Variants in C6orf136 observed in about 807,000 individuals in gnomAD.
C6orf136 encodes the protein uncharacterized protein C6orf136.
Under a neutral mutation model 44.0 loss-of-function variants are expected in C6orf136, and 29 were observed. That is an observed-to-expected ratio of 0.66 (90% CI 0.49 to 0.90). The LOEUF (loss-of-function observed/expected upper bound fraction) is 0.90, where lower values mean the gene tolerates loss of function less well. C6orf136 is among the 40% of genes least tolerant of loss of function. The pLI, the probability that C6orf136 is intolerant of heterozygous loss-of-function variation, is 0.00. For missense variants in C6orf136, 628 were observed against 669.3 expected (o/e 0.94, Z 0.68); for synonymous variants, 293 against 278.6 (o/e 1.05, Z -0.52).
At chr6:30,650,513 C>T (rs749517491) in intron 2 of C6orf136, among the ~76,000 whole-genome samples, 1 of 151,586 alleles carries the variant, frequency 6.6e-6, no homozygotes, top group Non-Finnish European at 1.5e-5. Flanking sequence ...GGGCCTGGCA[C>T]ATGGCTCACG....
chr6:30,651,042 G>A lies in C6orf136; in HGVS notation c.1066G>A (p.Asp356Asn). The A allele has an allele frequency of 1.2e-6, 2 of 1,614,038 alleles. No homozygotes were observed. The highest frequency in any genetic ancestry group is 1.7e-6 in the Non-Finnish European group (2 of 1,180,000). Reference sequence around the variant, plus strand: ...CCACGACTACAGTCTGTATTCCTTGGATGTGGAATTCATCAATGAGATCCT... The same window carrying A: ...CCACGACTACAGTCTGTATTCCTTGAATGTGGAATTCATCAATGAGATCCT... The part of the protein sequence containing the change: ...QSHDYSLYSL[D>N]VEFINEILNI... Residue 356 changes from aspartate (D) to asparagine (N), a missense_variant, in exon 3 of 6, where the codon GAT becomes AAT. Coordinates refer to ENST00000651131, the MANE Select transcript of C6orf136 (RefSeq NM_001161376.2).
chr6:30,650,108 C>A, intron 2 of C6orf136, 149 bp downstream of exon 2: 2 of 784,934 alleles, frequency 2.5e-6, no homozygotes, highest in South Asian at 1.9e-5. Context: ...AAATGATGTT[C>A]CAGCCAGGCA....
At chr6:30,648,900 C>T (rs1262947520) in intron 1 of C6orf136, among the ~76,000 whole-genome samples, 1 of 151,600 alleles carries the variant, frequency 6.6e-6, no homozygotes, top group Non-Finnish European at 1.5e-5. Flanking sequence ...CCCAGCTACT[C>T]GGGAGGCTGA....
intron 1 of C6orf136, 69 bp from the exon 2 acceptor site, chr6:30,649,489 C>A (rs1767199636): frequency 2.1e-6 from 3 of 1,416,806 alleles, no homozygotes; most frequent in Admixed American, 5.0e-5. Context: ...GCCTGTTGAG[C>A]ATCCAGGGGA....
In C6orf136 at chr6:30,647,323, G is replaced by T. The variant is rs916120554; in HGVS notation, c.92G>T (p.Gly31Val). The T allele has an allele frequency of 6.3e-6, 10 of 1,584,212 alleles. No individual in the cohort carries two copies. Among genetic ancestry groups the T allele is most frequent in the African/African-American group, 1.4e-5 (1 of 72,518 alleles). Residue 31 changes from glycine to valine, a missense_variant, in exon 1 of 6, where the codon GGA becomes GTA. Physicochemically the swap from Gly to Val is moderately radical, Grantham distance 109. Around this residue, in one of 2 missense-constraint regions of C6orf136, gnomAD observed 497 missense variants for 469.2 expected, o/e 1.06. Transcript: ENST00000651131. The surrounding 1 kb of genome is among the most constrained non-coding windows in gnomAD (Gnocchi z 4.8). ...CCCCAGGTGAGCGGAGGAGAAGAGG[G>T]AGGGAGGAGAGGGGGCGGGGAGAGA... ...ARPQVSGGEE[G>V]GRRGGGERPS... is the part of the protein sequence containing the mutation.
At chr6:30,648,587 G>A (rs1260464016) in intron 1 of C6orf136, among the ~76,000 whole-genome samples, 4 of 151,462 alleles carry the variant, frequency 2.6e-5, no homozygotes, top group Non-Finnish European at 5.9e-5. Flanking sequence ...CTTTAGTAGA[G>A]ATGGGGTGTC....
intron 4 of C6orf136, among the ~76,000 whole-genome samples, chr6:30,652,068 T>C (rs976991524): frequency 3.3e-5 from 5 of 151,646 alleles, no homozygotes; most frequent in African/African-American, 7.3e-5. Flanking sequence ...CTGGCCAACA[T>C]GGTAAAACCC....
chr6:30,652,550 T>C (rs1478709405), intron 4 of C6orf136, 98 bp from the exon 5 acceptor site: 2 of 1,067,514 alleles, frequency 1.9e-6, no homozygotes, highest in African/African-American at 1.6e-5. Flanking sequence ...TGATCTAATA[T>C]GTAGCAGAAT....
At position 30,651,274 on chromosome 6, in the gene C6orf136, C is replaced by T. The variant is rs770525226; in HGVS notation, c.1115C>T (p.Thr372Ile). 3 of 1,614,090 alleles carry T rather than the reference C, an allele frequency of 1.9e-6. No homozygotes were observed. Among genetic ancestry groups the T allele is most frequent in the Non-Finnish European group, 2.5e-6 (3 of 1,180,032 alleles). The change falls in exon 4 of 6, where the codon ACA becomes ATA. Residue 372 changes from threonine to isoleucine, a missense_variant. Transcript: ENST00000651131. ...CCATCCCTTCTTCACAGGGGCCGGA[C>T]ATGGTACATTCTTTCACTGACCCTC... Reference protein sequence around the residue: ...EILNIRTKGRTWYILSLTLCR... With the variant: ...EILNIRTKGRIWYILSLTLCR...
At position 30,651,482 on chromosome 6, in the gene C6orf136, G is replaced by T. The variant is rs1472354768; in HGVS notation, c.1307+16G>T. ...AGCATTACCGGTAAGAGAGAAATGAGAAAGGACCCAAACTATAATCAGTTC... is the reference window on the plus strand; with the variant it reads ...AGCATTACCGGTAAGAGAGAAATGATAAAGGACCCAAACTATAATCAGTTC... On this transcript the variant is annotated intron_variant, in intron 4 of 5. Coordinates refer to ENST00000651131, the MANE Select transcript of C6orf136 (RefSeq NM_001161376.2). 6.3e-7 allele frequency: 1 copy of T among 1,589,956 alleles called. No individual in the cohort carries two copies. Among genetic ancestry groups the T allele is most frequent in the East Asian group, 2.2e-5 (1 of 44,780 alleles).
Position 30,647,582 on chromosome 6 carries a change from C to T in C6orf136, c.351C>T (p.Asp117=). ...CGGGGCGCGTCTGCGTTGCGCCCGA[C>T]TCTCCGCGGTTACCTGTGCCTAGAG... The part of the protein sequence containing the change: ...QAAGRVCVAP[D]SPRLPVPRGD... The change falls in exon 1 of 6, where the codon GAC becomes GAT. Residue 117 remains aspartate, a synonymous_variant. Transcript: ENST00000651131. The surrounding 1 kb of genome is among the most constrained non-coding windows in gnomAD (Gnocchi z 4.8). The T allele has an allele frequency of 1.3e-6, 2 of 1,540,344 alleles. No individual in the cohort carries two copies. The highest frequency in any genetic ancestry group is 1.2e-5 in the South Asian group (1 of 83,638).
chr6:30,653,097 A>G lies in C6orf136; in HGVS notation c.*182A>G, dbSNP rs968135579. On this transcript the variant is annotated 3_prime_UTR_variant, in exon 6 of 6. Coordinates refer to ENST00000651131, the MANE Select transcript of C6orf136 (RefSeq NM_001161376.2). Reference sequence around the variant, plus strand: ...TGTAAATAATAAAGTTTAACTGACTATATGAGATAGAATTTCACATATCAC... The same window carrying G: ...TGTAAATAATAAAGTTTAACTGACTGTATGAGATAGAATTTCACATATCAC... The G allele has an allele frequency of 8.0e-6, 9 of 1,125,818 alleles. No homozygotes were observed. The highest frequency in any genetic ancestry group is 4.8e-5 in the African/African-American group (3 of 63,152). 69.7% of individuals were successfully genotyped at this position (1,125,818 alleles called of 1,614,324 possible). A position where few individuals can be genotyped will look rare whatever the true frequency, so the allele number is the denominator to read the frequency against.
chr6:30,647,249 G>A lies in C6orf136; in HGVS notation c.18G>A (p.Arg6=). Reference sequence around the variant, plus strand: ...GGAAGATCATGTACCAGCCCAGCCGGGGTGCGGCCCGGCGTCTCGGCCCTT... The same window carrying A: ...GGAAGATCATGTACCAGCCCAGCCGAGGTGCGGCCCGGCGTCTCGGCCCTT... MYQPS[R]GAARRLGPCL... is the part of the protein sequence containing the mutation. The change falls in exon 1 of 6, where the codon CGG becomes CGA. Residue 6 remains arginine (R), a synonymous_variant. Transcript: ENST00000651131. This position sits in a 1 kb window ranked among gnomAD's most constrained non-coding sequence, Gnocchi z 4.8. 1 of 1,596,312 alleles carries A rather than the reference G, an allele frequency of 6.3e-7. No individual in the cohort carries two copies.
At chr6:30,652,052 A>C (rs1426707354) in intron 4 of C6orf136, among the ~76,000 whole-genome samples, 1 of 150,870 alleles carries the variant, frequency 6.6e-6, no homozygotes, top group Admixed American at 6.6e-5. Flanking sequence ...GGAGTTGGAG[A>C]CCTGCCTGGC....
Position 30,647,447 on chromosome 6 carries a change from G to A in C6orf136, c.216G>A (p.Val72=). 2 of 1,471,792 alleles carry A rather than the reference G, an allele frequency of 1.4e-6. No individual in the cohort carries two copies. Among genetic ancestry groups the A allele is most frequent in the Non-Finnish European group, 1.8e-6 (2 of 1,107,400 alleles). 91.2% of individuals were successfully genotyped at this position (1,471,792 alleles called of 1,614,324 possible). Residue 72 remains valine (V), a synonymous_variant, in exon 1 of 6, where the codon GTG becomes GTA. Coordinates refer to ENST00000651131, the MANE Select transcript of C6orf136 (RefSeq NM_001161376.2). The surrounding 1 kb of genome is among the most constrained non-coding windows in gnomAD (Gnocchi z 4.8). ...PPLPTCALQR[V]DRLGVAGAGG... is the part of the protein sequence containing the mutation. ...TTCCCACCTGTGCCCTGCAGCGCGT[G>A]GACAGGCTAGGGGTCGCGGGAGCGG...
chr6:30,653,205 A>G lies in C6orf136; in HGVS notation c.*290A>G, dbSNP rs979430700. 4 of 1,594,118 alleles carry G rather than the reference A, an allele frequency of 2.5e-6. No homozygotes were observed. Among genetic ancestry groups the G allele is most frequent in the Non-Finnish European group, 3.4e-6 (4 of 1,174,674 alleles). On this transcript the variant is annotated 3_prime_UTR_variant, in exon 6 of 6. Transcript: ENST00000651131. ...AGGTATTAAATAATGTATAGAAGGA[A>G]AAGGAGCTGGTGTCAGGTTCTGTTT...
intron 1 of C6orf136, among the ~76,000 whole-genome samples, 186 bp from the exon 2 acceptor site, chr6:30,649,372 A>G (rs553271427): frequency 1.3e-5 from 2 of 152,320 alleles, no homozygotes; most frequent in South Asian, 4.1e-4. Context: ...AAAATAAATA[A>G]TAAAATAAAA....
chr6:30,651,467 G>A lies in C6orf136; in HGVS notation c.1307+1G>A. On this transcript the variant is annotated splice_donor_variant, in intron 4 of 5. Coordinates refer to ENST00000651131, the MANE Select transcript of C6orf136 (RefSeq NM_001161376.2). LOFTEE classifies it high-confidence loss of function. The stretch of plus-strand genomic sequence containing the variant: ...AGCGTGACAAAGACGAGCATTACCG[G>A]TAAGAGAGAAATGAGAAAGGACCCA... 6.2e-7 allele frequency: 1 copy of A among 1,605,640 alleles called. No homozygotes were observed. The highest frequency in any genetic ancestry group is 8.5e-7 in the Non-Finnish European group (1 of 1,179,572).
chr6:30,651,066 C>T lies in C6orf136; in HGVS notation c.1090C>T (p.Leu364Phe), dbSNP rs759758080. Residue 364 changes from leucine to phenylalanine, a missense_variant, in exon 3 of 6, where the codon CTC becomes TTC. By Grantham distance (22) the Leu-to-Phe change is conservative. Transcript: ENST00000651131. ...GGATGTGGAATTCATCAATGAGATC[C>T]TCAACATACGTACCAAGTGAGAATT... The part of the protein sequence containing the change: ...SLDVEFINEI[L>F]NIRTKGRTWY... The T allele has an allele frequency of 6.2e-7, 1 of 1,613,846 alleles. No homozygotes were observed. The highest frequency in any genetic ancestry group is 1.7e-5 in the Admixed American group (1 of 60,008).
Sources: allele counts gnomAD v4.1 joint callset (sites outside exome capture counted in the v4.1 genomes callset), GRCh38; gene constraint gnomAD v4.1.1; regional missense constraint gnomAD v4.1.1; non-coding constraint Gnocchi (gnomAD v3.1); transcripts MANE v1.5; gene names NCBI Gene and HGNC (gene_info 2026-07-23, HGNC 2026-07-21).